Variants in ANP32B observed in about 807,000 individuals in gnomAD.
ANP32B encodes the protein acidic leucine-rich nuclear phosphoprotein 32 family member B.
ANP32B carries 6 observed loss-of-function variants against 32.2 expected under a neutral mutation model. The ratio of observed to expected loss-of-function variants is 0.19; its 90% CI spans 0.10 to 0.37. The LOEUF (loss-of-function observed/expected upper bound fraction) is 0.37, where lower values mean the gene tolerates loss of function less well. Ranked by LOEUF, ANP32B falls within the 10% of genes least tolerant of loss-of-function variation. The pLI is 1.00. For missense variants in ANP32B, 204 were observed against 289.2 expected (o/e 0.71, Z 2.14); for synonymous variants, 98 against 105.8 (o/e 0.93, Z 0.45).
At chr9:98,010,266 T>TGG (rs1161445446) in intron 4 of ANP32B, among the ~76,000 whole-genome samples, 24 of 151,012 alleles carry the variant, frequency 1.6e-4, no homozygotes, top group East Asian at 3.9e-4. Context: ...AATGGTGTTT[T>TGG]TTTTTTTTTG....
chr9:98,003,461 A>T (rs1828027423), intron 3 of ANP32B, among the ~76,000 whole-genome samples: 1 of 152,144 alleles, frequency 6.6e-6, no homozygotes, highest in Admixed American at 6.5e-5. Flanking sequence ...ATAAGGAGCC[A>T]TACATAAATA....
rs190691029 is a variant in ANP32B, at chr9:97,993,704, C to A, written c.55-927C>A. Reference sequence around the variant, plus strand: ...AGGCTGGAGTGCAATGGCGAAATCTCGGCTAACTGCCACCTCCACCTCCCA... The same window carrying A: ...AGGCTGGAGTGCAATGGCGAAATCTAGGCTAACTGCCACCTCCACCTCCCA... On this transcript the variant is annotated intron_variant, in intron 1 of 6. Coordinates refer to ENST00000339399, the MANE Select transcript of ANP32B (RefSeq NM_006401.3). Among the ~76,000 whole-genome samples the A allele has an allele frequency of 4.0e-3, 607 of 152,320 alleles. 3 individuals are homozygous for A. Among genetic ancestry groups the A allele is most frequent in the African/African-American group, 0.013 (557 of 41,558 alleles).
chr9:97,985,543 A>T (rs1827711481), intron 1 of ANP32B, among the ~76,000 whole-genome samples: 1 of 152,222 alleles, frequency 6.6e-6, no homozygotes, highest in African/African-American at 2.4e-5. Context: ...AGACTTTTCC[A>T]TTGCGGCGTA....
At chr9:98,013,135 GCCTCAGCCT>G (rs1828216253) in intron 6 of ANP32B, among the ~76,000 whole-genome samples, 2 of 152,192 alleles carry the variant, frequency 1.3e-5, no homozygotes, top group South Asian at 4.1e-4. Flanking sequence ...GGGATTCTCT[GCCTCAGCCT>G]CCTCAGTAGC....
intron 2 of ANP32B, among the ~76,000 whole-genome samples, chr9:97,997,272 G>GA (rs1000477007): frequency 1.3e-5 from 2 of 152,026 alleles, no homozygotes; most frequent in Admixed American, 6.6e-5. Flanking sequence ...CCATTGAAAG[G>GA]AAAAAATGTT....
rs188367058 is a variant in ANP32B, at chr9:98,004,159, A to G, written c.328-805A>G. On this transcript the variant is annotated intron_variant, in intron 3 of 6. Coordinates refer to ENST00000339399, the MANE Select transcript of ANP32B (RefSeq NM_006401.3). Reference sequence around the variant, plus strand: ...ATTTTCCAGTGCACTTTGACTACTCAGAAAACTTGACTTGGGCCAACTTTT... The same window carrying G: ...ATTTTCCAGTGCACTTTGACTACTCGGAAAACTTGACTTGGGCCAACTTTT... Among the ~76,000 whole-genome samples, 170 of 152,356 alleles carry G rather than the reference A, an allele frequency of 1.1e-3. 2 individuals are homozygous for G. Among genetic ancestry groups the G allele is most frequent in the Admixed American group, 0.011 (166 of 15,310 alleles).
intron 2 of ANP32B, among the ~76,000 whole-genome samples, chr9:97,995,079 A>G (rs946835966): frequency 1.3e-5 from 2 of 152,234 alleles, no homozygotes; most frequent in Admixed American, 6.5e-5. Flanking sequence ...GTTAGGAAGA[A>G]TAATTACTGT....
Position 98,004,944 on chromosome 9 carries a change from T to G in ANP32B, c.328-20T>G, listed in dbSNP as rs764510184. The G allele has an allele frequency of 5.0e-6, 8 of 1,590,486 alleles. No individual in the cohort carries two copies. The highest frequency in any genetic ancestry group is 6.8e-6 in the Non-Finnish European group (8 of 1,169,014). On this transcript the variant is annotated intron_variant, in intron 3 of 6. Coordinates refer to ENST00000339399, the MANE Select transcript of ANP32B (RefSeq NM_006401.3). ...TATTCCTTTGGTTTAGGAGTTGTGG[T>G]TTTTGATCCTTTTCTTCAGAAAAAG...
intron 4 of ANP32B, among the ~76,000 whole-genome samples, chr9:98,006,424 G>A (rs578048233): frequency 2.0e-5 from 3 of 150,600 alleles, no homozygotes; most frequent in East Asian, 4.0e-4. Context: ...CCCGCACTGC[G>A]TATTTGTCTC....
In ANP32B at chr9:98,013,110, A is replaced by T. The variant is rs139455621; in HGVS notation, c.688+638A>T. On this transcript the variant is annotated intron_variant, in intron 6 of 6. Coordinates refer to ENST00000339399, the MANE Select transcript of ANP32B (RefSeq NM_006401.3). ...GCAATCTAAGCTCACTGCAGCCTCC[A>T]CCTCCCAGGTTCAAGGGATTCTCTG... is the stretch of plus-strand genomic sequence containing the variant. 2.8e-3 allele frequency among the ~76,000 whole-genome samples: 422 copies of T among 151,258 alleles called. 7 individuals carry two copies. The East Asian group carries it at 0.051, about 18-fold the overall frequency.
intron 3 of ANP32B, among the ~76,000 whole-genome samples, chr9:98,000,006 A>G (rs1827963664): frequency 6.6e-6 from 1 of 152,218 alleles, no homozygotes; most frequent in Admixed American, 6.5e-5. Flanking sequence ...TTGATACTTG[A>G]GGGGAAGACA....
rs1202288411 is a variant in ANP32B, at chr9:98,015,711, T to G, written c.*280T>G. 1 of 1,072,872 alleles carries G rather than the reference T, an allele frequency of 9.3e-7. No homozygotes were observed. Among genetic ancestry groups the G allele is most frequent in the African/African-American group, 1.7e-5 (1 of 60,578 alleles). 66.5% of individuals were successfully genotyped at this position (1,072,872 alleles called of 1,614,324 possible). On this transcript the variant is annotated 3_prime_UTR_variant, in exon 7 of 7. Transcript: ENST00000339399. The stretch of plus-strand genomic sequence containing the variant: ...TTGCTGTAGCGTGGATAGCTGTGAT[T>G]GGTGAGTCAACCGTCTGTGGCTACC...
intron 3 of ANP32B, 33 bp from the exon 4 acceptor site, chr9:98,004,931 T>C: frequency 1.3e-6 from 2 of 1,554,274 alleles, no homozygotes; most frequent in Non-Finnish European, 8.8e-7. Context: ...TTCCTTTGGT[T>C]TAGGAGTTGT....
intron 3 of ANP32B, among the ~76,000 whole-genome samples, chr9:98,000,652 G>A (rs1421591356): frequency 1.3e-5 from 2 of 152,142 alleles, no homozygotes; most frequent in Admixed American, 6.5e-5. Flanking sequence ...GGCTGGGCAC[G>A]GTGGTTCACG....
chr9:97,998,749 GA>G, intron 3 of ANP32B, 71 bp downstream of exon 3: 1 of 1,190,492 alleles, frequency 8.4e-7, no homozygotes, highest in Non-Finnish European at 1.1e-6. Context: ...TATAGTGGGG[GA>G]AATTACTGGC....
At chr9:98,014,614 T>G (rs1023967851) in intron 6 of ANP32B, among the ~76,000 whole-genome samples, 1 of 152,238 alleles carries the variant, frequency 6.6e-6, no homozygotes, top group Non-Finnish European at 1.5e-5. Flanking sequence ...TTTTGTGTGT[T>G]ATTTAATTCT....
At chr9:97,989,560 A>G (rs1233134605) in intron 1 of ANP32B, among the ~76,000 whole-genome samples, 4 of 152,162 alleles carry the variant, frequency 2.6e-5, no homozygotes, top group Non-Finnish European at 5.9e-5. Flanking sequence ...TGCCTGCCTA[A>G]CTTTCTTCAT....
intron 4 of ANP32B, chr9:98,005,385 C>A (rs1828063188): frequency 3.3e-6 from 1 of 302,472 alleles, no homozygotes; most frequent in Non-Finnish European, 6.3e-6. Context: ...TGTGGTGGCG[C>A]ACACCTGGAG....
At chr9:97,989,490 A>T (rs1827789268) in intron 1 of ANP32B, among the ~76,000 whole-genome samples, 1 of 152,182 alleles carries the variant, frequency 6.6e-6, no homozygotes, top group Non-Finnish European at 1.5e-5. Context: ...ATCTTCAAGC[A>T]GAAGGCCAGT....
Sources: gnomAD v4.1 joint callset for allele counts (sites outside exome capture counted in the v4.1 genomes callset) on GRCh38, gnomAD v4.1.1 for gene constraint, MANE v1.5 for transcripts, NCBI Gene and HGNC (gene_info 2026-07-23, HGNC 2026-07-21) for gene names.